The following LEMD2 variants were observed in gnomAD, a reference collection of about 807,000 sequenced individuals.
LEMD2 encodes LEM domain-containing protein 2.
In LEMD2, 34 loss-of-function variants were observed where a neutral mutation model predicts 58.8. The observed-to-expected ratio is 0.58, with a 90% confidence interval of 0.44 to 0.77. The LOEUF is 0.77. LEMD2 is among the 30% of genes least tolerant of loss of function. LEMD2 has a pLI of 0.00. For missense variants in LEMD2, 629 were observed against 717.9 expected, an observed-to-expected ratio of 0.88 and a Z score of 1.42; for synonymous variants, 298 against 308.9, an observed-to-expected ratio of 0.96 and a Z score of 0.37.
chr6:33,777,649 A>C (rs1182303800), intron 6 of LEMD2, among the ~76,000 whole-genome samples: 1 of 152,168 alleles, frequency 6.6e-6, no homozygotes, highest in African/African-American at 2.4e-5. Context: ...CTGTGTGCAC[A>C]CTGAGGCGGT....
At chr6:33,784,313 C>G in intron 3 of LEMD2, 39 bp downstream of exon 3, 1 of 1,519,120 alleles carries the variant, frequency 6.6e-7, no homozygotes, top group Non-Finnish European at 9.1e-7. Flanking sequence ...GCCCATAGCT[C>G]TCACAAGAGG....
intron 8 of LEMD2, among the ~76,000 whole-genome samples, chr6:33,773,304 G>T (rs1419992362): frequency 6.6e-6 from 1 of 152,154 alleles, no homozygotes; most frequent in Non-Finnish European, 1.5e-5. Context: ...CCCTTCAGTG[G>T]CCAGAGTCCC....
intron 1 of LEMD2, chr6:33,787,038 T>C: frequency 6.7e-6 from 4 of 594,376 alleles, no homozygotes; most frequent in Non-Finnish European, 1.1e-5. Context: ...ACTCAACCAC[T>C]CTGAACCTCT....
At chr6:33,779,835 C>T in intron 5 of LEMD2, 1 of 408,958 alleles carries the variant, frequency 2.4e-6, no homozygotes, top group Non-Finnish European at 4.4e-6. Context: ...GACTGAGTTA[C>T]CTGAGACAGG....
intron 2 of LEMD2, among the ~76,000 whole-genome samples, chr6:33,786,277 CCAAA>C (rs1422542995): frequency 6.6e-6 from 1 of 152,120 alleles, no homozygotes; most frequent in Non-Finnish European, 1.5e-5. Context: ...AAGATGTGTT[CCAAA>C]CAAACTCCCT....
At position 33,778,628 on chromosome 6, in the gene LEMD2, C is replaced by T. The variant is rs1767493632; in HGVS notation, c.1011-241G>A. 4 of 363,662 alleles carry T rather than the reference C, an allele frequency of 1.1e-5. No homozygotes were observed. 22.5% of individuals were successfully genotyped at this position (363,662 alleles called of 1,614,324 possible). A position where few individuals can be genotyped will look rare whatever the true frequency, so the allele number is the denominator to read the frequency against. On this transcript the variant is annotated intron_variant, in intron 5 of 8. Coordinates refer to ENST00000293760, the MANE Select transcript of LEMD2 (RefSeq NM_181336.4). The surrounding 1 kb of genome is among the most constrained non-coding windows in gnomAD (Gnocchi z 4.7). Reference sequence around the variant, plus strand: ...CCCCTACCGCTAAAGCAACGTCCCCCTGTCAGGTCTTTGACAGCCTCTCTC... The same window carrying T: ...CCCCTACCGCTAAAGCAACGTCCCCTTGTCAGGTCTTTGACAGCCTCTCTC...
At position 33,772,624 on chromosome 6, in the gene LEMD2, G is replaced by A; in HGVS notation, c.*4C>T. On this transcript the variant is annotated 3_prime_UTR_variant, in exon 9 of 9. Coordinates refer to ENST00000293760, the MANE Select transcript of LEMD2 (RefSeq NM_181336.4). ...CTGACCGGGAACAAGTCCCCGCCCGGGGCTTATCGCTCTGAGTCAGAGAAG... is the reference window on the plus strand; with the variant it reads ...CTGACCGGGAACAAGTCCCCGCCCGAGGCTTATCGCTCTGAGTCAGAGAAG... 6.2e-7 allele frequency: 1 copy of A among 1,612,942 alleles called. No homozygotes were observed. Among genetic ancestry groups the A allele is most frequent in the Non-Finnish European group, 8.5e-7 (1 of 1,179,424 alleles).
At chr6:33,786,080 ACTC>A (rs994660685) in intron 2 of LEMD2, among the ~76,000 whole-genome samples, 33 of 151,938 alleles carry the variant, frequency 2.2e-4, no homozygotes, top group African/African-American at 6.5e-4. Context: ...GCAGCACAAG[ACTC>A]CTCCTGGTAC....
rs1232808337 is a variant in LEMD2 at position 33,772,343 on chromosome 6, G to C, written c.*285C>G. 18 of 271,890 alleles carry C rather than the reference G, an allele frequency of 6.6e-5. 1 individual carries two copies. Among genetic ancestry groups the C allele is most frequent in the Non-Finnish European group, 1.1e-4 (16 of 144,628 alleles). The allele number at this position is 271,890 out of a possible 1,614,324, so 16.8% of individuals were successfully genotyped here. On this transcript the variant is annotated 3_prime_UTR_variant, in exon 9 of 9. Transcript: ENST00000293760. ...GCTGGGCCTGACAGCTGCTGCTCTT[G>C]TTTTCTATTCATGAAAACTCAACCC...
rs113536530 is a variant in LEMD2 at position 33,784,294 on chromosome 6, G to C, written c.853+58C>G. Reference sequence around the variant, plus strand: ...GCAGTGTAACTAAGCCTGATGAACCGGGTCAGCCGCCCATAGCTCTCACAA... The same window carrying C: ...GCAGTGTAACTAAGCCTGATGAACCCGGTCAGCCGCCCATAGCTCTCACAA... On this transcript the variant is annotated intron_variant, in intron 3 of 8. Coordinates refer to ENST00000293760, the MANE Select transcript of LEMD2 (RefSeq NM_181336.4). The C allele has an allele frequency of 4.5e-6, 6 of 1,336,478 alleles. No individual in the cohort carries two copies. In the South Asian group the frequency reaches 5.8e-5, roughly 13 times the overall value. The allele number at this position is 1,336,478 out of a possible 1,614,324, so 82.8% of individuals were successfully genotyped here. A position where few individuals can be genotyped will look rare whatever the true frequency, so the allele number is the denominator to read the frequency against.
rs747966461 is a variant in LEMD2 at position 33,773,602 on chromosome 6, G to GGC, written c.1362-825_1362-824insGC. Among the ~76,000 whole-genome samples the GGC allele has an allele frequency of 8.4e-3, 1,267 of 151,700 alleles. 14 individuals are homozygous for GGC. Among genetic ancestry groups the GGC allele is most frequent in the Non-Finnish European group, 0.015 (1,004 of 67,916 alleles). ...GCCAGTGAGTCAGGAGGCGGGGGGGGGGCTAGGGCTTCCCCAGGGGTCAGG... is the reference window on the plus strand; with the variant it reads ...GCCAGTGAGTCAGGAGGCGGGGGGGGGCGGCTAGGGCTTCCCCAGGGGTCAGG... On this transcript the variant is annotated intron_variant, in intron 8 of 8. Transcript: ENST00000293760.
chr6:33,785,281 C>A (rs1767651700), intron 2 of LEMD2, among the ~76,000 whole-genome samples: 1 of 152,176 alleles, frequency 6.6e-6, no homozygotes, highest in South Asian at 2.1e-4. Context: ...CCAGAAAGGC[C>A]AAGGGTGCCC....
chr6:33,781,019 GA>G, intron 4 of LEMD2, 57 bp downstream of exon 4: 1 of 1,190,060 alleles, frequency 8.4e-7, no homozygotes. Flanking sequence ...GGGCTTGAAA[GA>G]CCAATAGGAA....
At chr6:33,788,047 G>A (rs1004954268) in intron 1 of LEMD2, among the ~76,000 whole-genome samples, 5 of 152,240 alleles carry the variant, frequency 3.3e-5, no homozygotes, top group Non-Finnish European at 5.9e-5. Flanking sequence ...CGGATGGGGT[G>A]AATCTGTTAG....
chr6:33,777,485 T>C (rs1314522665), intron 6 of LEMD2, among the ~76,000 whole-genome samples: 1 of 152,220 alleles, frequency 6.6e-6, no homozygotes, highest in African/African-American at 2.4e-5. Flanking sequence ...GCCGTCCAGA[T>C]CTCGGCTCCT....
Position 33,777,133 on chromosome 6 carries a change from C to T in LEMD2, c.1258+5G>A. The T allele has an allele frequency of 1.9e-6, 3 of 1,613,360 alleles. No individual in the cohort carries two copies. The African/African-American group carries it at 4.0e-5, about 22-fold the overall frequency. On this transcript the variant is annotated splice_donor_5th_base_variant and intron_variant, in intron 7 of 8. Coordinates refer to ENST00000293760, the MANE Select transcript of LEMD2 (RefSeq NM_181336.4). ...CAACCCTTTATTCACCAGGGGGCCA[C>T]GCACCTATAATCTTCTTCACCATCT...
intron 2 of LEMD2, 50 bp from the exon 3 acceptor site, chr6:33,784,477 G>GGGGGGGGCCCCCCCCCCCC: frequency 4.6e-6 from 2 of 430,810 alleles, no homozygotes; most frequent in Non-Finnish European, 4.8e-6. Flanking sequence ...GGTGGGAGGG[G>GGGGGGGGCCCCCCCCCCCC]TCCGTCTGTC....
At chr6:33,774,554 T>C (rs10755683) in intron 8 of LEMD2, among the ~76,000 whole-genome samples, 117,885 of 150,590 alleles carry the variant, frequency 0.78, 46,323 homozygotes, top group East Asian at 0.95. Context: ...CTCAGCCTCC[T>C]GAGTAGCTGG....
In LEMD2 at chr6:33,788,553, AGTCGCCCGCAGGCCCGGGCGCGG is replaced by A; in HGVS notation, c.541_563del (p.Pro181SerfsTer13). 1 of 1,434,610 alleles carries A rather than the reference AGTCGCCCGCAGGCCCGGGCGCGG, an allele frequency of 7.0e-7. No individual in the cohort carries two copies. Among genetic ancestry groups the A allele is most frequent in the Non-Finnish European group, 9.1e-7 (1 of 1,097,014 alleles). 88.9% of individuals were successfully genotyped at this position (1,434,610 alleles called of 1,614,324 possible). A position where few individuals can be genotyped will look rare whatever the true frequency, so the allele number is the denominator to read the frequency against. Reference sequence around the variant, plus strand: ...TCGCCGCGCCAGCAGGGCCCGCTCGAGTCGCCCGCAGGCCCGGGCGCGGGTCGGGACCGAGGAGGGAGGAAGGC... The same window carrying A: ...TCGCCGCGCCAGCAGGGCCCGCTCGAGTCGGGACCGAGGAGGGAGGAAGGC... On this transcript the variant is annotated frameshift_variant, in exon 1 of 9. Transcript: ENST00000293760. LOFTEE classifies it high-confidence loss of function.
Sources: allele counts gnomAD v4.1 joint callset (sites outside exome capture counted in the v4.1 genomes callset), GRCh38; gene constraint gnomAD v4.1.1; non-coding constraint Gnocchi (gnomAD v3.1); transcripts MANE v1.5; gene names NCBI Gene and HGNC (gene_info 2026-07-23, HGNC 2026-07-21).